STAB1: variants seen among roughly 807,000 people sequenced by gnomAD.
STAB1 encodes stabilin-1.
STAB1 carries 250 observed loss-of-function variants against 332.4 expected under a neutral mutation model. The ratio of observed to expected loss-of-function variants is 0.75; its 90% confidence interval spans 0.68 to 0.84. The LOEUF (loss-of-function observed/expected upper bound fraction) is 0.84. Among genes scored for constraint, STAB1 ranks in the 40% least tolerant of loss-of-function variants. The probability of loss-of-function intolerance (pLI) is 0.00; values close to 1 mark genes in which losing one functional copy is unlikely to be tolerated. For synonymous variants in STAB1, 1,475 were observed against 1,390.4 expected (o/e 1.06, Z -1.35); for missense variants, 3,249 against 3,489.7 (o/e 0.93, Z 1.74).
chr3:52,507,521 C>A, intron 18 of STAB1, 92 bp from the exon 19 acceptor site: 1 of 1,378,852 alleles, frequency 7.3e-7, no homozygotes, highest in South Asian at 1.3e-5. Flanking sequence ...CTTCTCATCC[C>A]TTAATCCCCA....
chr3:52,518,636 C>A lies in STAB1; in HGVS notation c.4887+23C>A, dbSNP rs188981535. ...CAGGTATGCAGCCCCCAGAGCGAGG[C>A]TGGGCAGGGCTGGGTGCTCTGGTGG... On this transcript the variant is annotated intron_variant, in intron 47 of 68. Transcript: ENST00000321725. 1.5e-5 allele frequency: 24 copies of A among 1,610,100 alleles called. No individual in the cohort carries two copies. In the African/African-American group the frequency reaches 2.8e-4, roughly 19 times the overall value.
Position 52,522,944 on chromosome 3 carries a change from T to A in STAB1, c.6910+4T>A, listed in dbSNP as rs901186614. The A allele has an allele frequency of 4.3e-6, 7 of 1,611,460 alleles. No homozygotes were observed. In the African/African-American group the frequency reaches 8.0e-5, roughly 18 times the overall value. On this transcript the variant is annotated splice_donor_region_variant and intron_variant, in intron 62 of 68. Transcript: ENST00000321725. ...GCCTACTGCTTCCGTGTGCAAGGTG[T>A]GTCCACCCGACCAAACCCTACTTCC... is the stretch of plus-strand genomic sequence containing the variant.
chr3:52,502,282 C>A, intron 5 of STAB1, 54 bp downstream of exon 5: 1 of 1,576,914 alleles, frequency 6.3e-7, no homozygotes, highest in Non-Finnish European at 8.6e-7. Flanking sequence ...GGGGCCCACG[C>A]AGATGCAGTA....
At position 52,505,657 on chromosome 3, in the gene STAB1, C is replaced by G; in HGVS notation, c.1582-11C>G. The G allele has an allele frequency of 6.2e-7, 1 of 1,612,748 alleles. No homozygotes were observed. The highest frequency in any genetic ancestry group is 8.5e-7 in the Non-Finnish European group (1 of 1,179,710). ...CATGCAACCCCCTGAGCCTCCCTTGCACCACCACAGAACTGTGGGCTGCCC... is the reference window on the plus strand; with the variant it reads ...CATGCAACCCCCTGAGCCTCCCTTGGACCACCACAGAACTGTGGGCTGCCC... On this transcript the variant is annotated splice_polypyrimidine_tract_variant and intron_variant, in intron 14 of 68. Transcript: ENST00000321725.
In STAB1 at chr3:52,522,163, G is replaced by T. The variant is rs761015777; in HGVS notation, c.6398G>T (p.Arg2133Leu). The change falls in exon 59 of 69, where the codon CGC (arginine) becomes CTC (leucine). Residue 2133 changes from arginine to leucine, a missense_variant. Arg to Leu is a moderately radical substitution (Grantham distance 102). Coordinates refer to ENST00000321725, the MANE Select transcript of STAB1 (RefSeq NM_015136.3). ...GGTGATGGCTGGAGCTGCCGGGCCCGCAACCCCTGCACAGATGGCCACCGC... is the reference window on the plus strand; with the variant it reads ...GGTGATGGCTGGAGCTGCCGGGCCCTCAACCCCTGCACAGATGGCCACCGC... ...YEGDGWSCRA[R>L]NPCTDGHRGG... is the part of the protein sequence containing the mutation. 1 of 1,612,594 alleles carries T rather than the reference G, an allele frequency of 6.2e-7. No homozygotes were observed.
rs776342426 is a variant in STAB1 at position 52,520,856 on chromosome 3, C to T, written c.5759C>T (p.Pro1920Leu). The T allele has an allele frequency of 1.8e-5, 29 of 1,612,722 alleles. No individual in the cohort carries two copies. Among genetic ancestry groups the T allele is most frequent in the East Asian group, 2.2e-5 (1 of 44,894 alleles). ...RFYPKFWTSP[P>L]LHSLGLRSVW... ...TACCCGAAGTTCTGGACGTCCCCTC[C>T]GCTGCACTCTTTGGGATTACGCAGC... The change falls in exon 55 of 69, where the codon CCG (proline) becomes CTG (leucine). Residue 1920 changes from proline to leucine, a missense_variant. Physicochemically the swap from Pro to Leu is moderately conservative, Grantham distance 98 (BLOSUM62 -3). Transcript: ENST00000321725.
intron 31 of STAB1, 21 bp downstream of exon 31, chr3:52,513,815 G>T: frequency 6.2e-7 from 1 of 1,613,330 alleles, no homozygotes; most frequent in Non-Finnish European, 8.5e-7. Flanking sequence ...AGGAGGGTGT[G>T]TGCAGGGAAA....
At chr3:52,515,086 G>C (rs1454038956) in intron 36 of STAB1, 41 bp downstream of exon 36, 4 of 1,606,670 alleles carry the variant, frequency 2.5e-6, no homozygotes, top group Non-Finnish European at 3.4e-6. Flanking sequence ...TGTGTTGCCT[G>C]CCCTCACTTC....
intron 35 of STAB1, 53 bp downstream of exon 35, chr3:52,514,882 G>A (rs1383476554): frequency 8.1e-6 from 13 of 1,612,660 alleles, no homozygotes; most frequent in Non-Finnish European, 1.0e-5. Flanking sequence ...AGCTGGGAGG[G>A]CCTAGCTGAC....
At position 52,506,686 on chromosome 3, in the gene STAB1, C is replaced by T. The variant is rs775814693; in HGVS notation, c.1831-6C>T. 3 of 1,605,062 alleles carry T rather than the reference C, an allele frequency of 1.9e-6. No homozygotes were observed. The highest frequency in any genetic ancestry group is 2.7e-5 in the African/African-American group (2 of 74,776). On this transcript the variant is annotated splice_polypyrimidine_tract_variant and splice_region_variant and intron_variant, in intron 17 of 68. Transcript: ENST00000321725. ...TGGGGGTTGGCTCAGTGGGTCTCTG[C>T]CGCAGGGGCGCATCCTGCTGGGACC...
chr3:52,523,277 TG>T lies in STAB1; in HGVS notation c.7078del (p.Asp2360MetfsTer21). The T allele has an allele frequency of 6.2e-7, 1 of 1,613,210 alleles. No homozygotes were observed. Among genetic ancestry groups the T allele is most frequent in the Non-Finnish European group, 8.5e-7 (1 of 1,180,010 alleles). ...CGGGGTCTCGACTTCCTGGACTTCC[TG>T]GATGATGAGCTCACGTATAAGACAC... ...TQRGLDFLDF[L>X]DDELTYKTLF... is the part of the protein sequence containing the mutation. On this transcript the variant is annotated frameshift_variant, in exon 64 of 69. Transcript: ENST00000321725. LOFTEE classifies it high-confidence loss of function.
At chr3:52,518,103 C>T in intron 45 of STAB1, 100 bp downstream of exon 45, 1 of 1,525,630 alleles carries the variant, frequency 6.6e-7, no homozygotes, top group Non-Finnish European at 8.8e-7. Context: ...TGATTCTGGC[C>T]CTGACCATGA....
intron 50 of STAB1, 112 bp from the exon 51 acceptor site, chr3:52,519,832 A>C (rs2079013762): frequency 7.4e-7 from 1 of 1,354,318 alleles, no homozygotes; most frequent in Non-Finnish European, 9.9e-7. Flanking sequence ...ATGGTCACAG[A>C]TGAGTGTGGG....
In STAB1 at chr3:52,522,950, C is replaced by T; in HGVS notation, c.6910+10C>T. On this transcript the variant is annotated intron_variant, in intron 62 of 68. Coordinates refer to ENST00000321725, the MANE Select transcript of STAB1 (RefSeq NM_015136.3). ...TGCTTCCGTGTGCAAGGTGTGTCCA[C>T]CCGACCAAACCCTACTTCCCCTGCT... 3.1e-6 allele frequency: 5 copies of T among 1,609,940 alleles called. No homozygotes were observed. Among genetic ancestry groups the T allele is most frequent in the Non-Finnish European group, 4.2e-6 (5 of 1,177,340 alleles).
intron 6 of STAB1, 94 bp from the exon 7 acceptor site, chr3:52,502,905 C>A: frequency 7.7e-7 from 1 of 1,300,660 alleles, no homozygotes; most frequent in Non-Finnish European, 1.0e-6. Context: ...CAGGGCCCTG[C>A]TCCAAGTCAC....
chr3:52,498,719 G>A (rs1224830605), intron 1 of STAB1, among the ~76,000 whole-genome samples: 2 of 152,180 alleles, frequency 1.3e-5, no homozygotes, highest in Non-Finnish European at 2.9e-5. Context: ...TGGTGACCGC[G>A]CTGGCAGCTT....
chr3:52,516,385 G>A lies in STAB1; in HGVS notation c.4174G>A (p.Glu1392Lys). 1 of 1,610,034 alleles carries A rather than the reference G, an allele frequency of 6.2e-7. No homozygotes were observed. The highest frequency in any genetic ancestry group is 8.5e-7 in the Non-Finnish European group (1 of 1,177,258). ...TGACTGTGCCCATGGGCTGTGCCAGGAGGGGCTGCAAGGGGACGGAAGCTG... is the reference window on the plus strand; with the variant it reads ...TGACTGTGCCCATGGGCTGTGCCAGAAGGGGCTGCAAGGGGACGGAAGCTG... ...VCDCAHGLCQ[E>K]GLQGDGSCVC... The change falls in exon 39 of 69, where the codon GAG (glutamate) becomes AAG (lysine). Residue 1392 changes from glutamate (E) to lysine (K), a missense_variant. Physicochemically the swap from Glu to Lys is moderately conservative, Grantham distance 56. Coordinates refer to ENST00000321725, the MANE Select transcript of STAB1 (RefSeq NM_015136.3).
intron 1 of STAB1, 47 bp downstream of exon 1, chr3:52,495,538 G>A (rs747833350): frequency 7.2e-5 from 92 of 1,274,364 alleles, no homozygotes; most frequent in Admixed American, 7.8e-5. Context: ...GGGCCCTGCC[G>A]GCCAGCGGTG....
Position 52,523,099 on chromosome 3 carries a change from C to A in STAB1, c.6985C>A (p.Leu2329Met). Residue 2329 changes from leucine to methionine, a missense_variant, in exon 63 of 69, where the codon CTG (leucine) becomes ATG (methionine). Physicochemically the swap from Leu to Met is conservative, Grantham distance 15 (BLOSUM62 2). Coordinates refer to ENST00000321725, the MANE Select transcript of STAB1 (RefSeq NM_015136.3). ...STCNGKLLDV[L>M]AATANFSTFY... is the part of the protein sequence containing the mutation. ...GTGCAATGGGAAGCTGCTGGATGTG[C>A]TGGCTGCCACTGCCAACTTCTCCAC... is the stretch of plus-strand genomic sequence containing the variant. 6.3e-7 allele frequency: 1 copy of A among 1,574,848 alleles called. No homozygotes were observed. Among genetic ancestry groups the A allele is most frequent in the South Asian group, 1.2e-5 (1 of 83,742 alleles).
Sources: allele counts gnomAD v4.1 joint callset (sites outside exome capture counted in the v4.1 genomes callset), GRCh38; gene constraint gnomAD v4.1.1; transcripts MANE v1.5; gene names NCBI Gene and HGNC (gene_info 2026-07-23, HGNC 2026-07-21).